The following BLTP1 variants were observed in gnomAD, a reference collection of about 807,000 sequenced individuals.
The protein encoded by BLTP1 is bridge-like lipid transfer protein family member 1, also known as fragile site-associated protein.
chr4:122,308,300 C>G, the BLTP1 span: 1 of 908,920 alleles, frequency 1.1e-6, no homozygotes, highest in Admixed American at 2.7e-5. Context: ...AGATTGAATT[C>G]CTTCAACCAT....
At chr4:122,251,250 A>T in the BLTP1 span, 1 of 902,462 alleles carries the variant, frequency 1.1e-6, no homozygotes, top group South Asian at 5.1e-5. Flanking sequence ...CTCAGTATGT[A>T]GTATGTAATA....
At chr4:122,281,546 G>A in the BLTP1 span, 8 of 1,590,646 alleles carry the variant, frequency 5.0e-6, no homozygotes, top group South Asian at 1.2e-5. Context: ...CCCACAGCCT[G>A]TAAAAGAAGA....
At chr4:122,211,707 T>A in the BLTP1 span, among the ~76,000 whole-genome samples, 1 of 152,288 alleles carries the variant, frequency 6.6e-6, no homozygotes, top group East Asian at 1.9e-4. Flanking sequence ...AATTGTGTAA[T>A]TGCACAGTAT....
chr4:122,242,187 A>G, the BLTP1 span, among the ~76,000 whole-genome samples: 1 of 152,224 alleles, frequency 6.6e-6, no homozygotes, highest in Non-Finnish European at 1.5e-5. Context: ...TGTTAATTAC[A>G]GGAGTATTCA....
the BLTP1 span, among the ~76,000 whole-genome samples, chr4:122,259,491 A>G: frequency 6.6e-6 from 1 of 152,076 alleles, no homozygotes; most frequent in African/African-American, 2.4e-5. Context: ...TTGGTTCTTT[A>G]TTTTTTGCTA....
chr4:122,242,917 C>T, the BLTP1 span: 1 of 828,342 alleles, frequency 1.2e-6, no homozygotes, highest in South Asian at 1.7e-5. Flanking sequence ...TTAGGTAATT[C>T]AGGTATTTAC....
At chr4:122,186,268 T>G in the BLTP1 span, 2 of 1,500,424 alleles carry the variant, frequency 1.3e-6, no homozygotes, top group Non-Finnish European at 1.8e-6. Flanking sequence ...CATTTAAACA[T>G]TTGCCTTTAT....
the BLTP1 span, among the ~76,000 whole-genome samples, chr4:122,319,001 C>A: frequency 6.6e-6 from 1 of 152,070 alleles, no homozygotes; most frequent in African/African-American, 2.4e-5. Flanking sequence ...TCTAGGTGAT[C>A]AAATCTGTGG....
At chr4:122,214,708 C>T in the BLTP1 span, 767 of 185,086 alleles carry the variant, frequency 4.1e-3, 12 homozygotes, top group African/African-American at 0.019. Context: ...CCTCGACTTC[C>T]TGGGCTCAGG....
At chr4:122,269,356 C>G in the BLTP1 span, 2 of 947,448 alleles carry the variant, frequency 2.1e-6, no homozygotes, top group Non-Finnish European at 1.3e-6. Context: ...CAGACTAGAC[C>G]TTCATTTGAG....
chr4:122,332,283 G>C, the BLTP1 span, among the ~76,000 whole-genome samples: 1 of 151,786 alleles, frequency 6.6e-6, no homozygotes. Flanking sequence ...AATAAAAAAG[G>C]TACTATAAAC....
At chr4:122,165,794 G>A in the BLTP1 span, among the ~76,000 whole-genome samples, 1 of 142,570 alleles carries the variant, frequency 7.0e-6, no homozygotes, top group African/African-American at 2.5e-5. Flanking sequence ...ATCTCATTGT[G>A]GTTTTGATTT....
chr4:122,325,229 G>A, the BLTP1 span: 1 of 1,598,526 alleles, frequency 6.3e-7, no homozygotes, highest in Non-Finnish European at 8.6e-7. Context: ...TTTACTTGCA[G>A]TTCTCGAGTA....
At chr4:122,281,519 T>A in the BLTP1 span, 22 of 1,555,182 alleles carry the variant, frequency 1.4e-5, no homozygotes, top group African/African-American at 5.6e-5. Context: ...TTTAATTATT[T>A]TTTTTTTGCT....
chr4:122,209,019 T>C, the BLTP1 span: 3 of 649,170 alleles, frequency 4.6e-6, no homozygotes, highest in Non-Finnish European at 6.1e-6. Context: ...AATAATACAA[T>C]AAAATAAAAA....
At chr4:122,243,110 A>T in the BLTP1 span, 3 of 1,575,428 alleles carry the variant, frequency 1.9e-6, no homozygotes, top group South Asian at 2.2e-5. Flanking sequence ...TTCCTTGATT[A>T]TGAGATGGGT....
the BLTP1 span, among the ~76,000 whole-genome samples, chr4:122,155,729 A>G: frequency 2.6e-5 from 4 of 152,224 alleles, no homozygotes; most frequent in African/African-American, 9.6e-5. Flanking sequence ...ATTTTGAGGA[A>G]CTTGTATAGA....
At chr4:122,235,972 C>T in the BLTP1 span, among the ~76,000 whole-genome samples, 2 of 152,076 alleles carry the variant, frequency 1.3e-5, no homozygotes, top group Admixed American at 1.3e-4. Context: ...GTTCTGTGTT[C>T]CTATGATTCA....
chr4:122,298,687 A>T, the BLTP1 span: 1 of 554,068 alleles, frequency 1.8e-6, no homozygotes, highest in Non-Finnish European at 2.3e-6. Context: ...TAATAAAAAG[A>T]TTTAAATGAA....
Sources: gnomAD v4.1 joint callset for allele counts (sites outside exome capture counted in the v4.1 genomes callset) on GRCh38, gnomAD v4.1.1 for gene constraint, MANE v1.5 for transcripts, NCBI Gene and HGNC (gene_info 2026-07-23, HGNC 2026-07-21) for gene names.